Variants in PTPRD observed in about 807,000 individuals in gnomAD.
The protein encoded by PTPRD is receptor-type tyrosine-protein phosphatase delta.
In PTPRD, 34 loss-of-function variants were observed where a neutral mutation model predicts 214.5. That is an observed-to-expected ratio of 0.16 (90% CI 0.12 to 0.21). The LOEUF (loss-of-function observed/expected upper bound fraction) is 0.21. PTPRD is among the 10% of genes least tolerant of loss of function. The pLI, the probability that PTPRD is intolerant of heterozygous loss-of-function variation, is 1.00. For missense variants in PTPRD, 2,545 were observed against 2,398.7 expected, an observed-to-expected ratio of 1.06 and a Z score of -1.27; for synonymous variants, 1,128 against 845.7, an observed-to-expected ratio of 1.33 and a Z score of -5.79.
At chr9:8,961,163 A>T (rs758256792) in intron 11 of PTPRD, among the ~76,000 whole-genome samples, 5 of 152,120 alleles carry the variant, frequency 3.3e-5, no homozygotes, top group Non-Finnish European at 5.9e-5. Flanking sequence ...ACAGGGGAAG[A>T]CTTCAGAGAG....
intron 14 of PTPRD, among the ~76,000 whole-genome samples, chr9:8,577,193 C>G (rs1221533524): frequency 6.6e-6 from 1 of 152,072 alleles, no homozygotes; most frequent in African/African-American, 2.4e-5. Flanking sequence ...TGAGCATATG[C>G]CATTCTTGCT....
intron 9 of PTPRD, among the ~76,000 whole-genome samples, chr9:9,215,971 TCTC>T (rs2099951922): frequency 6.6e-6 from 1 of 152,138 alleles, no homozygotes; most frequent in South Asian, 2.1e-4. Flanking sequence ...TGTGACACCT[TCTC>T]CTCTGTGTTG....
intron 10 of PTPRD, among the ~76,000 whole-genome samples, chr9:9,144,893 C>A (rs566096009): frequency 6.6e-6 from 1 of 152,120 alleles, no homozygotes; most frequent in Non-Finnish European, 1.5e-5. Context: ...TTAATTGCAT[C>A]TTTAAAGTAT....
intron 3 of PTPRD, among the ~76,000 whole-genome samples, chr9:10,038,065 T>C (rs1045745305): frequency 6.6e-6 from 1 of 152,172 alleles, no homozygotes; most frequent in African/African-American, 2.4e-5. Context: ...CAGACTTGAA[T>C]TTATTTTATC....
In PTPRD at chr9:10,012,769, T is replaced by C. The variant is rs549019740; in HGVS notation, c.-472+20949A>G. 6.6e-5 allele frequency among the ~76,000 whole-genome samples: 10 copies of C among 152,038 alleles called. No individual in the cohort carries two copies. In the South Asian group the frequency reaches 1.0e-3, roughly 16 times the overall value. ...AGGAAAACCCCGAGTGTGTTCTTGA[T>C]AGAAAGATTTCCAAGGACCAAACTG... On this transcript the variant is annotated intron_variant, in intron 4 of 45. Coordinates refer to ENST00000381196, the MANE Select transcript of PTPRD (RefSeq NM_002839.4).
intron 8 of PTPRD, among the ~76,000 whole-genome samples, chr9:9,566,312 A>C (rs2084511960): frequency 1.3e-5 from 2 of 152,150 alleles, no homozygotes; most frequent in South Asian, 4.1e-4. Context: ...ATGAAGGTAA[A>C]TTATAATACA....
intron 3 of PTPRD, among the ~76,000 whole-genome samples, chr9:10,315,467 A>G (rs2154421961): frequency 6.6e-6 from 1 of 152,046 alleles, no homozygotes; most frequent in East Asian, 1.9e-4. Context: ...ATATGAAACA[A>G]TTAAACAATT....
At position 9,860,341 on chromosome 9, in the gene PTPRD, T is replaced by G. The variant is rs140488556; in HGVS notation, c.-368+78166A>C. 1.7e-3 allele frequency among the ~76,000 whole-genome samples: 256 copies of G among 152,360 alleles called. 2 individuals are homozygous for G. The highest frequency in any genetic ancestry group is 5.8e-3 in the African/African-American group (241 of 41,592). On this transcript the variant is annotated intron_variant, in intron 5 of 45. Transcript: ENST00000381196. ...ACTTAACTAAAGGACAATTGAACTA[T>G]GTTTGGAGGAATTCTGTTTCTTTCT...
At chr9:10,101,495 A>G (rs2098551461) in intron 3 of PTPRD, among the ~76,000 whole-genome samples, 2 of 151,618 alleles carry the variant, frequency 1.3e-5, no homozygotes, top group African/African-American at 2.4e-5. Context: ...TAGCAATGAC[A>G]AGAGTGCCAC....
At chr9:10,354,981 T>G (rs1047690298) in intron 2 of PTPRD, among the ~76,000 whole-genome samples, 1 of 152,214 alleles carries the variant, frequency 6.6e-6, no homozygotes, top group Non-Finnish European at 1.5e-5. Flanking sequence ...GCTAAATAGA[T>G]GTATACTTCC....
chr9:9,456,493 A>G (rs952514650), intron 8 of PTPRD, among the ~76,000 whole-genome samples: 40 of 151,862 alleles, frequency 2.6e-4, no homozygotes, highest in African/African-American at 9.7e-4. Context: ...CTGTTCTTAC[A>G]TATTTTCATT....
At chr9:9,652,428 G>C (rs954568439) in intron 7 of PTPRD, among the ~76,000 whole-genome samples, 3 of 152,116 alleles carry the variant, frequency 2.0e-5, no homozygotes, top group African/African-American at 7.2e-5. Context: ...GTAGGAACTT[G>C]TAGTTGGGGA....
At chr9:8,515,549 G>C (rs1380200249) in intron 21 of PTPRD, among the ~76,000 whole-genome samples, 4 of 152,062 alleles carry the variant, frequency 2.6e-5, no homozygotes, top group African/African-American at 9.7e-5. Flanking sequence ...GGCCATAAGA[G>C]TGACCCCAAG....
intron 8 of PTPRD, among the ~76,000 whole-genome samples, chr9:9,443,463 C>A (rs373381082): frequency 2.4e-4 from 37 of 152,262 alleles, no homozygotes; most frequent in African/African-American, 8.4e-4. Context: ...TCCAGAGTGG[C>A]CTGTAATGGT....
intron 14 of PTPRD, among the ~76,000 whole-genome samples, chr9:8,628,112 G>A (rs756049709): frequency 6.6e-6 from 1 of 151,838 alleles, no homozygotes; most frequent in Non-Finnish European, 1.5e-5. Context: ...TCAAGCAGCT[G>A]TGCTTTGTTC....
At chr9:9,280,965 C>G (rs1295423736) in intron 9 of PTPRD, among the ~76,000 whole-genome samples, 1 of 151,032 alleles carries the variant, frequency 6.6e-6, no homozygotes, top group Admixed American at 6.6e-5. Context: ...GAAGTAGATC[C>G]ACATACACAT....
chr9:8,801,526 G>A (rs985607095), intron 11 of PTPRD, among the ~76,000 whole-genome samples: 29 of 152,102 alleles, frequency 1.9e-4, no homozygotes, highest in African/African-American at 6.3e-4. Context: ...AGACCAGCCT[G>A]ACCAACAGGG....
chr9:9,940,496 T>C (rs1045747637), intron 4 of PTPRD, among the ~76,000 whole-genome samples: 3 of 152,156 alleles, frequency 2.0e-5, no homozygotes, highest in African/African-American at 7.2e-5. Context: ...GAAATTAGAT[T>C]TGAGTCCTAT....
At chr9:10,543,706 A>G (rs1173108119) in intron 2 of PTPRD, among the ~76,000 whole-genome samples, 2 of 152,314 alleles carry the variant, frequency 1.3e-5, no homozygotes, top group African/African-American at 4.8e-5. Flanking sequence ...TTGCAACATA[A>G]CTTGCCAAGG....
Sources: allele counts gnomAD v4.1 joint callset (sites outside exome capture counted in the v4.1 genomes callset), GRCh38; gene constraint gnomAD v4.1.1; transcripts MANE v1.5; gene names NCBI Gene and HGNC (gene_info 2026-07-23, HGNC 2026-07-21).